Variants in CDK14 observed in about 807,000 individuals in gnomAD.
CDK14 encodes the protein cyclin-dependent kinase 14.
A neutral mutation model predicts 60.7 loss-of-function variants in CDK14; 34 were observed. The observed-to-expected ratio is 0.56, with a 90% CI of 0.43 to 0.75. The LOEUF (loss-of-function observed/expected upper bound fraction) is 0.75. Among genes scored for constraint, CDK14 ranks in the 30% least tolerant of loss-of-function variants. The pLI is 0.00. For missense variants in CDK14, 482 were observed against 564.1 expected, an observed-to-expected ratio of 0.85 and a Z score of 1.47; for synonymous variants, 197 against 203.7, an observed-to-expected ratio of 0.97 and a Z score of 0.28.
chr7:90,658,446 T>C (rs1416338993), intron 2 of CDK14, among the ~76,000 whole-genome samples: 2 of 152,192 alleles, frequency 1.3e-5, no homozygotes, highest in African/African-American at 2.4e-5. Context: ...TCCACCCTCG[T>C]GATCTAATTA....
chr7:90,760,593 A>C (rs1377185679), intron 4 of CDK14, among the ~76,000 whole-genome samples: 1 of 152,116 alleles, frequency 6.6e-6, no homozygotes, highest in Non-Finnish European at 1.5e-5. Flanking sequence ...GTCTGCTCTG[A>C]CTTCTTTTAG....
At chr7:90,727,824 C>T (rs1219818143) in intron 3 of CDK14, among the ~76,000 whole-genome samples, 2 of 152,080 alleles carry the variant, frequency 1.3e-5, no homozygotes, top group Admixed American at 1.3e-4. Flanking sequence ...AACCTCTAAT[C>T]CTATAGTCAT....
chr7:90,965,727 C>T (rs572071803), intron 9 of CDK14, among the ~76,000 whole-genome samples: 10 of 152,222 alleles, frequency 6.6e-5, no homozygotes, highest in East Asian at 1.9e-4. Flanking sequence ...ATTTTGAAAA[C>T]GCCTTTATTC....
At chr7:91,052,399 C>CT (rs1190259314) in intron 11 of CDK14, among the ~76,000 whole-genome samples, 13 of 152,256 alleles carry the variant, frequency 8.5e-5, no homozygotes, top group African/African-American at 2.9e-4. Flanking sequence ...CATTGCCCTG[C>CT]TAAAGAACAG....
At chr7:91,133,634 A>G (rs1279465376) in intron 14 of CDK14, among the ~76,000 whole-genome samples, 1 of 152,184 alleles carries the variant, frequency 6.6e-6, no homozygotes, top group Non-Finnish European at 1.5e-5. Flanking sequence ...CATAAGAAAT[A>G]TGAGTGAAAG....
intron 6 of CDK14, among the ~76,000 whole-genome samples, chr7:90,884,119 A>G (rs1306685961): frequency 6.6e-6 from 1 of 152,196 alleles, no homozygotes; most frequent in Non-Finnish European, 1.5e-5. Context: ...AATAAAGGGT[A>G]TTCAAAGAGA....
chr7:90,655,891 G>A (rs1800741972), intron 2 of CDK14, among the ~76,000 whole-genome samples: 2 of 152,218 alleles, frequency 1.3e-5, no homozygotes, highest in South Asian at 4.1e-4. Flanking sequence ...CAATCTTCTG[G>A]TTCAGTGTTG....
chr7:90,954,051 G>A (rs184829420), intron 8 of CDK14, among the ~76,000 whole-genome samples: 5 of 152,238 alleles, frequency 3.3e-5, no homozygotes, highest in Non-Finnish European at 7.4e-5. Context: ...GAATGTGTAA[G>A]TATGTCTGTG....
At chr7:90,933,866 A>T (rs1328475163) in intron 8 of CDK14, among the ~76,000 whole-genome samples, 1 of 152,250 alleles carries the variant, frequency 6.6e-6, no homozygotes, top group Admixed American at 6.5e-5. Flanking sequence ...GTGGACAGCA[A>T]AGCTGGAGAG....
rs532375755 is a variant in CDK14, at chr7:90,791,881, G to A, written c.544+1229G>A. On this transcript the variant is annotated intron_variant, in intron 5 of 14. Coordinates refer to ENST00000380050, the MANE Select transcript of CDK14 (RefSeq NM_001287135.2). Reference sequence around the variant, plus strand: ...TGACCTTTTCTCTGAGTTAGGGGGAGTTTCAGGACAGGAAAGGGCTTCTTT... The same window carrying A: ...TGACCTTTTCTCTGAGTTAGGGGGAATTTCAGGACAGGAAAGGGCTTCTTT... Among the ~76,000 whole-genome samples, 103 of 147,502 alleles carry A rather than the reference G, an allele frequency of 7.0e-4. 1 individual carries two copies. Among genetic ancestry groups the A allele is most frequent in the Non-Finnish European group, 1.1e-3 (72 of 67,278 alleles).
At chr7:90,815,544 T>TGG (rs1789313801) in intron 5 of CDK14, among the ~76,000 whole-genome samples, 1 of 152,166 alleles carries the variant, frequency 6.6e-6, no homozygotes, top group East Asian at 1.9e-4. Flanking sequence ...AAATAACATT[T>TGG]GACCCAGCAG....
At chr7:91,138,173 G>C (rs1185288921) in intron 14 of CDK14, among the ~76,000 whole-genome samples, 1 of 152,160 alleles carries the variant, frequency 6.6e-6, no homozygotes, top group African/African-American at 2.4e-5. Context: ...CCTTTGCAAA[G>C]TTTTGGGTTA....
intron 5 of CDK14, among the ~76,000 whole-genome samples, chr7:90,818,230 A>G (rs142467241): frequency 2.0e-5 from 3 of 152,344 alleles, no homozygotes; most frequent in East Asian, 1.9e-4. Flanking sequence ...TGATTCACAC[A>G]TAACCAATTA....
chr7:90,971,284 T>C lies in CDK14; in HGVS notation c.948-12864T>C, dbSNP rs190629044. Among the ~76,000 whole-genome samples, 191 of 151,920 alleles carry C rather than the reference T, an allele frequency of 1.3e-3. 1 individual carries two copies. The highest frequency in any genetic ancestry group is 9.9e-3 in the East Asian group (51 of 5,160). ...CCTTCAAGGTCACAGGGAAAGACAG[T>C]GTGATGAGCCATAACACAGGTATAT... On this transcript the variant is annotated intron_variant, in intron 9 of 14. Transcript: ENST00000380050.
At chr7:90,654,826 C>T (rs1800719674) in intron 2 of CDK14, among the ~76,000 whole-genome samples, 1 of 152,162 alleles carries the variant, frequency 6.6e-6, no homozygotes, top group Admixed American at 6.6e-5. Flanking sequence ...AAGATTGACT[C>T]ACTATTATTA....
intron 12 of CDK14, among the ~76,000 whole-genome samples, chr7:91,111,977 C>T (rs566877907): frequency 2.0e-5 from 3 of 152,186 alleles, no homozygotes; most frequent in Non-Finnish European, 4.4e-5. Context: ...GATTCAGCCC[C>T]GTATCATCTA....
At chr7:91,052,266 T>G (rs1206763808) in intron 11 of CDK14, among the ~76,000 whole-genome samples, 2 of 152,168 alleles carry the variant, frequency 1.3e-5, no homozygotes, top group African/African-American at 4.8e-5. Context: ...TCCCTAACAT[T>G]AGTGTCAGAG....
chr7:91,132,590 A>G (rs924352346), intron 14 of CDK14, among the ~76,000 whole-genome samples: 2 of 152,028 alleles, frequency 1.3e-5, no homozygotes, highest in Non-Finnish European at 2.9e-5. Context: ...AGGAAGATGT[A>G]TTTTTTTTCT....
chr7:91,104,563 C>A (rs13247020), intron 12 of CDK14, among the ~76,000 whole-genome samples: 1 of 152,144 alleles, frequency 6.6e-6, no homozygotes, highest in Non-Finnish European at 1.5e-5. Flanking sequence ...AATGTAGAAC[C>A]ATCCAAAAAG....
Sources: gnomAD v4.1 joint callset for allele counts (sites outside exome capture counted in the v4.1 genomes callset) on GRCh38, gnomAD v4.1.1 for gene constraint, MANE v1.5 for transcripts, NCBI Gene and HGNC (gene_info 2026-07-23, HGNC 2026-07-21) for gene names.